TRIM35: variants seen among roughly 807,000 people sequenced by gnomAD.
TRIM35 encodes the protein E3 ubiquitin-protein ligase TRIM35.
In TRIM35, 37 loss-of-function variants were observed where a neutral mutation model predicts 49.1. That is an observed-to-expected ratio of 0.75 (90% CI 0.58 to 0.99). TRIM35 has a LOEUF of 0.99. TRIM35 is among the 50% of genes least tolerant of loss of function. TRIM35 has a pLI of 0.00. For synonymous variants in TRIM35, 302 were observed against 289.3 expected (o/e 1.04, Z -0.45); for missense variants, 648 against 702.7 (o/e 0.92, Z 0.88).
chr8:27,307,969 T>C (rs111877426), intron 1 of TRIM35, among the ~76,000 whole-genome samples: 4,716 of 152,276 alleles, frequency 0.031, 235 homozygotes, highest in African/African-American at 0.11. Flanking sequence ...ATTACCTGGG[T>C]GGGCCCAATG....
At position 27,307,604 on chromosome 8, in the gene TRIM35, C is replaced by T. The variant is rs79128131; in HGVS notation, c.435+3197G>A. 4.5e-3 allele frequency among the ~76,000 whole-genome samples: 684 copies of T among 152,276 alleles called. 6 individuals are homozygous for T. The highest frequency in any genetic ancestry group is 0.036 in the East Asian group (185 of 5,168). ...CACAGTACTGGCACACAACCAGTAC[C>T]TTCTGCCAGCCCTGACAATGGTCAA... On this transcript the variant is annotated intron_variant, in intron 1 of 5. Transcript: ENST00000305364.
At chr8:27,299,848 A>C (rs1391581177) in intron 1 of TRIM35, among the ~76,000 whole-genome samples, 1 of 152,176 alleles carries the variant, frequency 6.6e-6, no homozygotes, top group Non-Finnish European at 1.5e-5. Context: ...TATGGGGCAA[A>C]GGACAGATTC....
chr8:27,294,330 G>A lies in TRIM35; in HGVS notation c.532-20C>T, dbSNP rs920987196. 6.2e-7 allele frequency: 1 copy of A among 1,607,758 alleles called. No homozygotes were observed. Among genetic ancestry groups the A allele is most frequent in the Non-Finnish European group, 8.5e-7 (1 of 1,177,226 alleles). On this transcript the variant is annotated intron_variant, in intron 2 of 5. Coordinates refer to ENST00000305364, the MANE Select transcript of TRIM35 (RefSeq NM_171982.5). ...CTCCACCTACGGAAGACAGCAGGAG[G>A]AGTCAGGGGTCAGATGTGGAGAGGA... is the stretch of plus-strand genomic sequence containing the variant.
chr8:27,290,593 C>A (rs769873605), intron 3 of TRIM35, among the ~76,000 whole-genome samples: 24 of 152,192 alleles, frequency 1.6e-4, no homozygotes, highest in Non-Finnish European at 3.4e-4. Flanking sequence ...GACTTCCTGG[C>A]CTCACCCAGA....
intron 2 of TRIM35, among the ~76,000 whole-genome samples, chr8:27,297,453 C>T (rs1802592315): frequency 6.6e-6 from 1 of 152,190 alleles, no homozygotes; most frequent in Non-Finnish European, 1.5e-5. Flanking sequence ...GGAGCCCACT[C>T]ATTCATTTGA....
intron 2 of TRIM35, among the ~76,000 whole-genome samples, chr8:27,298,080 T>C (rs1362693993): frequency 2.0e-5 from 3 of 152,140 alleles, no homozygotes; most frequent in African/African-American, 4.8e-5. Context: ...AGAAATAACA[T>C]ACTTTGGAGA....
At chr8:27,299,043 G>C (rs1197616635) in intron 1 of TRIM35, among the ~76,000 whole-genome samples, 2 of 152,144 alleles carry the variant, frequency 1.3e-5, no homozygotes, top group Admixed American at 1.3e-4. Flanking sequence ...TTCCCACGGG[G>C]TTCAGTTACC....
intron 3 of TRIM35, 70 bp from the exon 4 acceptor site, chr8:27,290,248 CA>C: frequency 6.8e-7 from 1 of 1,475,286 alleles, no homozygotes; most frequent in Middle Eastern, 1.7e-4. Context: ...TTTCTGACCT[CA>C]AAAGAAGTCA....
At chr8:27,295,864 T>C (rs1338695800) in intron 2 of TRIM35, among the ~76,000 whole-genome samples, 1 of 151,858 alleles carries the variant, frequency 6.6e-6, no homozygotes, top group African/African-American at 2.4e-5. Context: ...CAAAAAGAAA[T>C]GACAAACTAG....
chr8:27,307,814 T>C (rs2130320780), intron 1 of TRIM35, among the ~76,000 whole-genome samples: 1 of 152,342 alleles, frequency 6.6e-6, no homozygotes. Flanking sequence ...GTCTATAAAA[T>C]GGGGATAATA....
At chr8:27,296,009 T>C (rs1802557853) in intron 2 of TRIM35, among the ~76,000 whole-genome samples, 1 of 152,112 alleles carries the variant, frequency 6.6e-6, no homozygotes, top group Non-Finnish European at 1.5e-5. Context: ...AGAAGAAGCA[T>C]AAATGACTAT....
chr8:27,293,969 T>C (rs1030379088), intron 3 of TRIM35, 111 bp downstream of exon 3: 2 of 1,039,330 alleles, frequency 1.9e-6, no homozygotes, highest in Non-Finnish European at 1.4e-6. Context: ...TCCAGGCCAG[T>C]ACCCAGGAAG....
At chr8:27,300,527 G>A (rs1802662099) in intron 1 of TRIM35, among the ~76,000 whole-genome samples, 1 of 152,092 alleles carries the variant, frequency 6.6e-6, no homozygotes. Context: ...GATAATTAAT[G>A]TTTGTTTTAA....
intron 2 of TRIM35, among the ~76,000 whole-genome samples, chr8:27,297,044 G>C (rs1041981315): frequency 6.6e-6 from 1 of 152,158 alleles, no homozygotes; most frequent in African/African-American, 2.4e-5. Context: ...ATTTGCTGGG[G>C]AACTGGGCTT....
chr8:27,302,257 T>C lies in TRIM35; in HGVS notation c.436-3698A>G, dbSNP rs144625563. Among the ~76,000 whole-genome samples the C allele has an allele frequency of 5.0e-3, 760 of 152,314 alleles. 9 individuals are homozygous for C. The highest frequency in any genetic ancestry group is 0.018 in the African/African-American group (736 of 41,568). ...AAACTGAAAGGCTTAAATACTGACTTTACTAATCCACGAACATAATATATC... is the reference window on the plus strand; with the variant it reads ...AAACTGAAAGGCTTAAATACTGACTCTACTAATCCACGAACATAATATATC... On this transcript the variant is annotated intron_variant, in intron 1 of 5. Coordinates refer to ENST00000305364, the MANE Select transcript of TRIM35 (RefSeq NM_171982.5).
intron 3 of TRIM35, among the ~76,000 whole-genome samples, chr8:27,293,330 T>A (rs1236794197): frequency 6.6e-6 from 1 of 151,836 alleles, no homozygotes; most frequent in South Asian, 2.1e-4. Flanking sequence ...CACTGGCTCA[T>A]GGGGAGGAAA....
intron 1 of TRIM35, among the ~76,000 whole-genome samples, chr8:27,308,177 A>C (rs1802826536): frequency 6.6e-6 from 1 of 150,938 alleles, no homozygotes; most frequent in African/African-American, 2.5e-5. Flanking sequence ...TAGGACTTCC[A>C]ACCTCCAGAA....
intron 1 of TRIM35, among the ~76,000 whole-genome samples, chr8:27,307,895 G>A (rs961278518): frequency 6.6e-6 from 1 of 152,188 alleles, no homozygotes; most frequent in Non-Finnish European, 1.5e-5. Flanking sequence ...CCAGAATCTT[G>A]TATGGCAAAA....
rs1802331131 is a variant in TRIM35 at position 27,286,787 on chromosome 8, C to T, written c.*763G>A. On this transcript the variant is annotated 3_prime_UTR_variant, in exon 6 of 6. Coordinates refer to ENST00000305364, the MANE Select transcript of TRIM35 (RefSeq NM_171982.5). The stretch of plus-strand genomic sequence containing the variant: ...GATCCTCCCAGGCTAGCCAATCCCC[C>T]AATCCCTAGAGATGGCAAGCATCTG... The T allele has an allele frequency of 1.3e-5, 2 of 152,638 alleles. No individual in the cohort carries two copies. The highest frequency in any genetic ancestry group is 6.5e-5 in the Admixed American group (1 of 15,314). 9.5% of individuals were successfully genotyped at this position (152,638 alleles called of 1,614,324 possible). A position where few individuals can be genotyped will look rare whatever the true frequency, so the allele number is the denominator to read the frequency against.
Sources: allele counts gnomAD v4.1 joint callset (sites outside exome capture counted in the v4.1 genomes callset), GRCh38; gene constraint gnomAD v4.1.1; transcripts MANE v1.5; gene names NCBI Gene and HGNC (gene_info 2026-07-23, HGNC 2026-07-21).